The following HIBADH variants were observed in gnomAD, a reference collection of about 807,000 sequenced individuals.
HIBADH encodes 3-hydroxyisobutyrate dehydrogenase, mitochondrial.
In HIBADH, 25 loss-of-function variants were observed where a neutral mutation model predicts 36.1. The observed-to-expected ratio is 0.69, with a 90% CI of 0.50 to 0.97. The LOEUF is 0.97. HIBADH is among the 50% of genes least tolerant of loss of function. HIBADH has a pLI of 0.00. For missense variants in HIBADH, 421 were observed against 418.0 expected, an observed-to-expected ratio of 1.01 and a Z score of -0.06; for synonymous variants, 160 against 149.5, an observed-to-expected ratio of 1.07 and a Z score of -0.51.
intron 4 of HIBADH, among the ~76,000 whole-genome samples, chr7:27,545,080 C>T (rs564937345): frequency 6.6e-6 from 1 of 152,286 alleles, no homozygotes; most frequent in African/African-American, 2.4e-5. Flanking sequence ...TTCCTTGGAA[C>T]CAAATCTTAT....
intron 4 of HIBADH, among the ~76,000 whole-genome samples, chr7:27,626,318 A>C (rs184303635): frequency 1.3e-5 from 2 of 152,270 alleles, no homozygotes; most frequent in Non-Finnish European, 2.9e-5. Context: ...AGTGCTTTAT[A>C]AACTACTATC....
At chr7:27,555,573 C>G (rs559840035) in intron 4 of HIBADH, among the ~76,000 whole-genome samples, 2 of 152,184 alleles carry the variant, frequency 1.3e-5, no homozygotes, top group East Asian at 3.9e-4. Flanking sequence ...TCCCCCTACC[C>G]TCTCCTCAAA....
chr7:27,618,414 A>AC (rs1785472345), intron 4 of HIBADH, among the ~76,000 whole-genome samples: 2 of 152,332 alleles, frequency 1.3e-5, no homozygotes, highest in African/African-American at 4.8e-5. Context: ...TATTGCAGCC[A>AC]CAACCAGTAT....
chr7:27,570,547 C>T (rs924460126), intron 4 of HIBADH, among the ~76,000 whole-genome samples: 20 of 152,052 alleles, frequency 1.3e-4, no homozygotes, highest in African/African-American at 4.3e-4. Context: ...GAACTGACTA[C>T]AAAAAAGCAT....
chr7:27,561,612 T>A (rs1324108189), intron 4 of HIBADH, among the ~76,000 whole-genome samples: 2 of 152,168 alleles, frequency 1.3e-5, no homozygotes, highest in Non-Finnish European at 2.9e-5. Context: ...GATATGAGGT[T>A]CTACATGTGT....
intron 2 of HIBADH, among the ~76,000 whole-genome samples, chr7:27,634,818 T>C (rs1482059362): frequency 6.6e-6 from 1 of 152,242 alleles, no homozygotes; most frequent in East Asian, 1.9e-4. Flanking sequence ...AGTTTCTTAA[T>C]CCCATAAACT....
chr7:27,577,164 C>CTTTTTTTTTTTTTTTTTTTT (rs35467427), intron 4 of HIBADH, among the ~76,000 whole-genome samples: 1 of 143,888 alleles, frequency 6.9e-6, no homozygotes, highest in Non-Finnish European at 1.5e-5. Context: ...CATCATTTCT[C>CTTTTTTTTTTTTTTTTTTTT]TCTTTTTTTT....
chr7:27,526,318 C>A lies in HIBADH; in HGVS notation c.907G>T (p.Gly303Cys), dbSNP rs1384302320. Reference sequence around the variant, plus strand: ...CTGTAGATCTGATGGGCCAGACTGCCAAGAAGGATTGGGCTCTTTGTGCTG... The same window carrying A: ...CTGTAGATCTGATGGGCCAGACTGCAAAGAAGGATTGGGCTCTTTGTGCTG... ...ATSTKSPILLGSLAHQIYRMM... is the reference protein window; with the variant it reads ...ATSTKSPILLCSLAHQIYRMM... Residue 303 changes from glycine to cysteine, a missense_variant, in exon 8 of 8, where the codon GGC (glycine) becomes TGC (cysteine). Physicochemically the swap from Gly to Cys is radical, Grantham distance 159. Coordinates refer to ENST00000265395, the MANE Select transcript of HIBADH (RefSeq NM_152740.4). 6.2e-7 allele frequency: 1 copy of A among 1,613,562 alleles called. No homozygotes were observed. Among genetic ancestry groups the A allele is most frequent in the Admixed American group, 1.7e-5 (1 of 59,954 alleles).
At chr7:27,651,181 G>C (rs1246907918) in intron 1 of HIBADH, among the ~76,000 whole-genome samples, 1 of 152,180 alleles carries the variant, frequency 6.6e-6, no homozygotes, top group African/African-American at 2.4e-5. Context: ...TGAATGGAAT[G>C]AGATTTGTTA....
chr7:27,629,227 A>G, intron 4 of HIBADH, 144 bp downstream of exon 4: 1 of 669,380 alleles, frequency 1.5e-6, no homozygotes, highest in South Asian at 2.7e-5. Flanking sequence ...GTACTAAATA[A>G]CGTATCAGTT....
intron 6 of HIBADH, among the ~76,000 whole-genome samples, chr7:27,531,890 A>G (rs1784008860): frequency 8.2e-6 from 1 of 122,404 alleles, no homozygotes; most frequent in African/African-American, 3.4e-5. Context: ...CGAGCTTAAG[A>G]AAAGTTATTA....
At chr7:27,582,372 T>C (rs986321391) in intron 4 of HIBADH, among the ~76,000 whole-genome samples, 9 of 152,144 alleles carry the variant, frequency 5.9e-5, no homozygotes, top group Non-Finnish European at 1.0e-4. Context: ...TGGTCTCTGC[T>C]GGGGATGTTA....
At chr7:27,639,621 G>A (rs1785923666) in intron 2 of HIBADH, among the ~76,000 whole-genome samples, 1 of 152,006 alleles carries the variant, frequency 6.6e-6, no homozygotes, top group Admixed American at 6.6e-5. Context: ...AGCTTCCTGT[G>A]GGCCTTGGAG....
At chr7:27,661,262 C>A (rs1443519228) in intron 1 of HIBADH, among the ~76,000 whole-genome samples, 2 of 152,052 alleles carry the variant, frequency 1.3e-5, no homozygotes, top group African/African-American at 2.4e-5. Context: ...AGAGGTTTCA[C>A]TGAGGGGGAG....
In HIBADH at chr7:27,577,886, A is replaced by G. The variant is rs183811400; in HGVS notation, c.485-34786T>C. 3.0e-3 allele frequency among the ~76,000 whole-genome samples: 461 copies of G among 152,342 alleles called. 1 individual carries two copies. Among genetic ancestry groups the G allele is most frequent in the Non-Finnish European group, 4.5e-3 (307 of 68,036 alleles). On this transcript the variant is annotated intron_variant, in intron 4 of 7. Transcript: ENST00000265395. ...TGTTTCTGTAATGATTTAATATAGTAGCTGGATAATGAGTTGTACCTTCTG... is the reference window on the plus strand; with the variant it reads ...TGTTTCTGTAATGATTTAATATAGTGGCTGGATAATGAGTTGTACCTTCTG...
chr7:27,562,711 G>A (rs1351952753), intron 4 of HIBADH, among the ~76,000 whole-genome samples: 2 of 152,098 alleles, frequency 1.3e-5, no homozygotes, highest in Non-Finnish European at 2.9e-5. Flanking sequence ...TCCTGTCTTG[G>A]CCTACCAAAG....
intron 2 of HIBADH, among the ~76,000 whole-genome samples, chr7:27,640,399 G>GCA (rs965547951): frequency 1.3e-5 from 2 of 152,082 alleles, no homozygotes; most frequent in African/African-American, 4.8e-5. Flanking sequence ...GCATGGTGGT[G>GCA]CACACCTGTG....
chr7:27,648,016 T>C lies in HIBADH; in HGVS notation c.252+1457A>G, dbSNP rs186110521. Reference sequence around the variant, plus strand: ...ATATTTCCTCTGTTTAGAGATCAAGTACCCTTGTTACTCTTACTAACAGAT... The same window carrying C: ...ATATTTCCTCTGTTTAGAGATCAAGCACCCTTGTTACTCTTACTAACAGAT... On this transcript the variant is annotated intron_variant, in intron 2 of 7. Coordinates refer to ENST00000265395, the MANE Select transcript of HIBADH (RefSeq NM_152740.4). Among the ~76,000 whole-genome samples the C allele has an allele frequency of 8.7e-4, 132 of 152,348 alleles. 1 individual carries two copies. Among genetic ancestry groups the C allele is most frequent in the Admixed American group, 3.0e-3 (46 of 15,302 alleles).
intron 4 of HIBADH, among the ~76,000 whole-genome samples, chr7:27,621,028 T>A (rs751052871): frequency 6.0e-5 from 9 of 150,448 alleles, no homozygotes; most frequent in Non-Finnish European, 1.0e-4. Context: ...AGTAAAAGAA[T>A]GGAAAAAGAT....
Sources: gnomAD v4.1 joint callset for allele counts (sites outside exome capture counted in the v4.1 genomes callset) on GRCh38, gnomAD v4.1.1 for gene constraint, MANE v1.5 for transcripts, NCBI Gene and HGNC (gene_info 2026-07-23, HGNC 2026-07-21) for gene names.